The following NEB variants were observed in gnomAD, a reference collection of about 807,000 sequenced individuals.
NEB encodes the protein nebulin, also known as nemaline myopathy type 2.
Under a neutral mutation model 952.2 loss-of-function variants are expected in NEB, and 512 were observed. The observed-to-expected ratio is 0.54, with a 90% CI of 0.50 to 0.58. The LOEUF is 0.58. Ranked by LOEUF, NEB falls within the 20% of genes least tolerant of loss-of-function variation. The pLI is 0.00. For missense variants in NEB, 8,428 were observed against 9,231.1 expected (o/e 0.91, Z 3.56); for synonymous variants, 2,900 against 3,149.8 (o/e 0.92, Z 2.66).
intron 167 of NEB, 122 bp from the exon 168 acceptor site, chr2:151,501,605 T>C (rs2064625446): frequency 2.0e-6 from 1 of 490,974 alleles, no homozygotes; most frequent in Non-Finnish European, 3.6e-6. Context: ...AGTACCTCAG[T>C]AACTTTTAAA....
At chr2:151,551,587 T>G (rs1054717855) in intron 129 of NEB, 151 bp downstream of exon 129, 3 of 633,714 alleles carry the variant, frequency 4.7e-6, no homozygotes, top group Non-Finnish European at 8.3e-6. Context: ...GGAGGAAAGA[T>G]AGATTATGCT....
intron 124 of NEB, among the ~76,000 whole-genome samples, chr2:151,558,245 T>C (rs1334012692): frequency 6.6e-6 from 1 of 152,180 alleles, no homozygotes; most frequent in East Asian, 1.9e-4. Context: ...AGCCAAATCA[T>C]GAGTGAACTC....
intron 36 of NEB, 23 bp from the exon 37 acceptor site, chr2:151,672,703 G>T (rs373888482): frequency 6.3e-7 from 1 of 1,586,652 alleles, no homozygotes; most frequent in Non-Finnish European, 8.6e-7. Flanking sequence ...AATTGGGTTA[G>T]CAAAGTCCTA....
chr2:151,638,996 A>C (rs779037955), intron 63 of NEB, among the ~76,000 whole-genome samples: 2 of 152,192 alleles, frequency 1.3e-5, no homozygotes, highest in Non-Finnish European at 2.9e-5. Flanking sequence ...TGTATAGGTC[A>C]ATTGCTAATA....
Position 151,672,486 on chromosome 2 carries a change from CT to C in NEB, c.4181del (p.Lys1394ArgfsTer26). The C allele has an allele frequency of 6.2e-7, 1 of 1,613,990 alleles. No homozygotes were observed. Among genetic ancestry groups the C allele is most frequent in the Non-Finnish European group, 8.5e-7 (1 of 1,179,888 alleles). ...PGDMVSITAA[K>X]MAQDVATNVN... ...CATTGGTAGCGACATCCTGGGCCAT[CT>C]TTGCAGCTGTGATGCTAACCATGTC... On this transcript the variant is annotated frameshift_variant, in exon 37 of 182. Transcript: ENST00000397345. LOFTEE classifies it high-confidence loss of function.
At chr2:151,554,809 C>CG in intron 125 of NEB, 122 bp downstream of exon 125, 1 of 762,664 alleles carries the variant, frequency 1.3e-6, no homozygotes, top group South Asian at 1.4e-5. Context: ...GAGCAATAGG[C>CG]TATCCCATCT....
chr2:151,667,936 A>C (rs1311288684), intron 39 of NEB, 25 bp from the exon 40 acceptor site: 1 of 1,555,566 alleles, frequency 6.4e-7, no homozygotes, highest in Non-Finnish European at 8.8e-7. Flanking sequence ...AGGTTATTTT[A>C]TTATTTGACA....
At chr2:151,633,508 A>G (rs1399217044) in intron 65 of NEB, 146 bp downstream of exon 65, 1 of 1,240,688 alleles carries the variant, frequency 8.1e-7, no homozygotes, top group Middle Eastern at 2.8e-4. Flanking sequence ...TGTATTCATA[A>G]TAAAGCAATA....
Position 151,561,292 on chromosome 2 carries a change from A to G in NEB, c.19017T>C (p.Gly6339=), listed in dbSNP as rs1187480595. 2 of 1,598,642 alleles carry G rather than the reference A, an allele frequency of 1.3e-6. No individual in the cohort carries two copies. The highest frequency in any genetic ancestry group is 1.3e-5 in the African/African-American group (1 of 74,738). The stretch of plus-strand genomic sequence containing the variant: ...GATTATAGTTTTGTAGATTTTCTTT[A>G]CCTGCTGCTGTATATTGTAGCTGTG... ...LQSQLQYTAA[G]KENLQNYNLV... Residue 6339 remains glycine (G), a synonymous_variant, in exon 122 of 182, where the codon GGT becomes GGC. Coordinates refer to ENST00000397345, the MANE Select transcript of NEB (RefSeq NM_001164508.2).
Position 151,663,838 on chromosome 2 carries a change from C to T in NEB, c.5473G>A (p.Glu1825Lys). 1 of 1,613,550 alleles carries T rather than the reference C, an allele frequency of 6.2e-7. No homozygotes were observed. Among genetic ancestry groups the T allele is most frequent in the Non-Finnish European group, 8.5e-7 (1 of 1,179,654 alleles). ...ASDYKYKKAY[E>K]QAKGKHIGFR... is the part of the protein sequence containing the mutation. ...CCAATGTGTTTCCCTTTGGCTTGTTCATAGGCTTTCTTGTATTTGTACTGT... is the reference window on the plus strand; with the variant it reads ...CCAATGTGTTTCCCTTTGGCTTGTTTATAGGCTTTCTTGTATTTGTACTGT... Residue 1825 changes from glutamate to lysine, a missense_variant, in exon 45 of 182, where the codon GAA becomes AAA. Physicochemically the swap from Glu to Lys is moderately conservative, Grantham distance 56 (BLOSUM62 1). Coordinates refer to ENST00000397345, the MANE Select transcript of NEB (RefSeq NM_001164508.2).
rs1164255800 is a variant in NEB, at chr2:151,664,506, T to C, written c.5446A>G (p.Ser1816Gly). 2 of 1,582,468 alleles carry C rather than the reference T, an allele frequency of 1.3e-6. No individual in the cohort carries two copies. Among genetic ancestry groups the C allele is most frequent in the Non-Finnish European group, 1.7e-6 (2 of 1,167,640 alleles). The change falls in exon 44 of 182, where the codon AGT (serine) becomes GGT (glycine). Residue 1816 changes from serine to glycine, a missense_variant. By Grantham distance (56) the Ser-to-Gly change is moderately conservative. Transcript: ENST00000397345. ...GGCCCAGTGCAAGCACTTACATCAC[T>C]GGCAATGTCTCTAGAGGCTCTTGCA... Reference protein sequence around the residue: ...KAARASRDIASDYKYKKAYEQ... With the variant: ...KAARASRDIAGDYKYKKAYEQ...
In NEB at chr2:151,527,529, G is replaced by C; in HGVS notation, c.21792C>G (p.Asp7264Glu). The change falls in exon 147 of 182, where the codon GAC (aspartate) becomes GAG (glutamate). Residue 7264 changes from aspartate (D) to glutamate (E), a missense_variant. This residue lies in a region of NEB where 3,374 missense variants were observed against 3,651.5 expected (regional missense o/e 0.92). Transcript: ENST00000397345. ...TGGCAGCCTGGAGGAAGTCCGGTCGGTCAGGAGTCCACTTCCAGTGGGCTT... is the reference window on the plus strand; with the variant it reads ...TGGCAGCCTGGAGGAAGTCCGGTCGCTCAGGAGTCCACTTCCAGTGGGCTT... Reference protein sequence around the residue: ...ANKAHWKWTPDRPDFLQAAKS... With the variant: ...ANKAHWKWTPERPDFLQAAKS... 6.2e-7 allele frequency: 1 copy of C among 1,613,502 alleles called. No individual in the cohort carries two copies. Among genetic ancestry groups the C allele is most frequent in the Non-Finnish European group, 8.5e-7 (1 of 1,179,684 alleles).
chr2:151,605,023 A>T (rs71392958), intron 84 of NEB, among the ~76,000 whole-genome samples, 152 bp from the exon 85 acceptor site: 1 of 130,346 alleles, frequency 7.7e-6, no homozygotes, highest in South Asian at 2.4e-4. Context: ...CACTTTAAAG[A>T]AATTAGATAA....
chr2:151,702,421 T>C (rs1486114336), intron 13 of NEB, among the ~76,000 whole-genome samples: 1 of 152,088 alleles, frequency 6.6e-6, no homozygotes, highest in Non-Finnish European at 1.5e-5. Context: ...TTGATATCCC[T>C]GTTGACTTTC....
intron 145 of NEB, among the ~76,000 whole-genome samples, chr2:151,529,748 C>T (rs543480189): frequency 6.6e-6 from 1 of 152,104 alleles, no homozygotes; most frequent in Non-Finnish European, 1.5e-5. Flanking sequence ...AGGCTGGTCT[C>T]GAACTCGTGA....
chr2:151,556,659 T>C (rs575966196), intron 124 of NEB, among the ~76,000 whole-genome samples: 1 of 152,222 alleles, frequency 6.6e-6, no homozygotes, highest in African/African-American at 2.4e-5. Flanking sequence ...GAAGAAGAGC[T>C]AACTATCCTA....
chr2:151,655,746 C>A, intron 50 of NEB, 71 bp downstream of exon 50: 2 of 1,517,270 alleles, frequency 1.3e-6, no homozygotes, highest in Admixed American at 1.7e-5. Flanking sequence ...TTAGATTTCT[C>A]CAAACAAGAA....
intron 62 of NEB, among the ~76,000 whole-genome samples, chr2:151,639,630 T>G (rs1244457871): frequency 6.6e-6 from 1 of 152,218 alleles, no homozygotes; most frequent in South Asian, 2.1e-4. Flanking sequence ...TGCAGACTAT[T>G]TTTTGATAAA....
chr2:151,524,913 G>C (rs1412279361), intron 151 of NEB, among the ~76,000 whole-genome samples: 1 of 151,972 alleles, frequency 6.6e-6, no homozygotes, highest in Non-Finnish European at 1.5e-5. Context: ...TGATCTGCCT[G>C]TCTTGGGCTC....
Sources: allele counts gnomAD v4.1 joint callset (sites outside exome capture counted in the v4.1 genomes callset), GRCh38; gene constraint gnomAD v4.1.1; regional missense constraint gnomAD v4.1.1; transcripts MANE v1.5; gene names NCBI Gene and HGNC (gene_info 2026-07-23, HGNC 2026-07-21).